The following FAM25A variants were observed in gnomAD, a reference collection of about 807,000 sequenced individuals.
The protein encoded by FAM25A is family with sequence similarity 25 member A.
A neutral mutation model predicts 6.6 loss-of-function variants in FAM25A; 5 were observed. That is an observed-to-expected ratio of 0.75 (90% CI 0.39 to 1.59). The LOEUF is 1.59. FAM25A is among the 40% of genes most tolerant of loss of function. FAM25A has a pLI of 0.02. For synonymous variants in FAM25A, 36 were observed against 41.3 expected (o/e 0.87, Z 0.49); for missense variants, 93 against 109.7 (o/e 0.85, Z 0.68).
rs7079456 is a variant in FAM25A, at chr10:87,022,269, G to A, written c.74-45G>A. The stretch of plus-strand genomic sequence containing the variant: ...CCTCACCCTGGACTGGGAGGGCAGC[G>A]GCTCTGCTCTGAGCCCTCACCCTGG... On this transcript the variant is annotated intron_variant, in intron 1 of 2. Transcript: ENST00000343959. 4,541 of 1,547,172 alleles carry A rather than the reference G, an allele frequency of 2.9e-3. 101 individuals are homozygous for A. In the African/African-American group the frequency reaches 0.05, roughly 17 times the overall value.
At chr10:87,023,890 G>A (rs1488989334) in intron 2 of FAM25A, among the ~76,000 whole-genome samples, 1 of 152,120 alleles carries the variant, frequency 6.6e-6, no homozygotes, top group Non-Finnish European at 1.5e-5. Context: ...ATGGTGGAAG[G>A]AGCTAGCTCT....
intron 1 of FAM25A, among the ~76,000 whole-genome samples, 160 bp downstream of exon 1, chr10:87,020,557 G>T (rs1394148568): frequency 6.6e-6 from 1 of 152,148 alleles, no homozygotes; most frequent in Non-Finnish European, 1.5e-5. Flanking sequence ...GGAGTTGAGG[G>T]GTGCAGACCT....
intron 1 of FAM25A, among the ~76,000 whole-genome samples, chr10:87,021,129 C>G (rs917511483): frequency 2.0e-5 from 3 of 152,132 alleles, no homozygotes; most frequent in Non-Finnish European, 4.4e-5. Flanking sequence ...CACCTGGTCC[C>G]GAAGTGTATG....
intron 2 of FAM25A, among the ~76,000 whole-genome samples, chr10:87,024,258 A>G (rs2133757602): frequency 6.6e-6 from 1 of 152,272 alleles, no homozygotes; most frequent in South Asian, 2.1e-4. Flanking sequence ...ACCCAATATA[A>G]AAATGGTCAA....
At chr10:87,024,290 C>T (rs961935028) in intron 2 of FAM25A, among the ~76,000 whole-genome samples, 1 of 151,898 alleles carries the variant, frequency 6.6e-6, no homozygotes, top group African/African-American at 2.4e-5. Flanking sequence ...AGGCATTTTC[C>T]AGAAAAAAGG....
chr10:87,021,753 A>G (rs1431669057), intron 1 of FAM25A, among the ~76,000 whole-genome samples: 2 of 152,246 alleles, frequency 1.3e-5, no homozygotes, highest in Non-Finnish European at 2.9e-5. Flanking sequence ...TGACTCTGAA[A>G]TCCTTCAGTT....
At chr10:87,022,510 G>C (rs1301853217) in intron 2 of FAM25A, 134 bp downstream of exon 2, 1 of 1,048,512 alleles carries the variant, frequency 9.5e-7, no homozygotes, top group Non-Finnish European at 1.4e-6. Context: ...TCTTGGCTGG[G>C]GCAGTTATCT....
At chr10:87,024,486 G>A in intron 2 of FAM25A, 55 bp from the exon 3 acceptor site, 1 of 1,535,758 alleles carries the variant, frequency 6.5e-7, no homozygotes, top group Non-Finnish European at 8.7e-7. Context: ...CACTCAAGGG[G>A]ACACAAGTTC....
chr10:87,020,313 T>C lies in FAM25A; in HGVS notation c.-12T>C. On this transcript the variant is annotated 5_prime_UTR_variant, in exon 1 of 3. Coordinates refer to ENST00000343959, the MANE Select transcript of FAM25A (RefSeq NM_001146157.3). ...CTCAGCATCCTAGTTCACCACTGTCTGCTGCCACACGATGCTGGGAGGCCT... is the reference window on the plus strand; with the variant it reads ...CTCAGCATCCTAGTTCACCACTGTCCGCTGCCACACGATGCTGGGAGGCCT... The C allele has an allele frequency of 1.3e-6, 2 of 1,549,544 alleles. 1 individual carries two copies. The highest frequency in any genetic ancestry group is 2.4e-5 in the South Asian group (2 of 83,958).
chr10:87,020,340 G>C lies in FAM25A; in HGVS notation c.16G>C (p.Gly6Arg). 6.5e-7 allele frequency: 1 copy of C among 1,549,536 alleles called. No individual in the cohort carries two copies. Among genetic ancestry groups the C allele is most frequent in the Non-Finnish European group, 8.7e-7 (1 of 1,146,824 alleles). The change falls in exon 1 of 3, where the codon GGG (glycine) becomes CGG (arginine). Residue 6 changes from glycine to arginine, a missense_variant. By Grantham distance (125) the Gly-to-Arg change is moderately radical (BLOSUM62 -2). Coordinates refer to ENST00000343959, the MANE Select transcript of FAM25A (RefSeq NM_001146157.3). ...CTGCCACACGATGCTGGGAGGCCTG[G>C]GGAAGCTGGCTGCCGAAGGCCTGGC... Reference protein sequence around the residue: MLGGLGKLAAEGLAHR... With the variant: MLGGLRKLAAEGLAHR...
intron 1 of FAM25A, among the ~76,000 whole-genome samples, chr10:87,021,690 AG>A (rs1324091568): frequency 6.6e-6 from 1 of 152,240 alleles, no homozygotes; most frequent in Admixed American, 6.5e-5. Flanking sequence ...CCCATTCTAA[AG>A]ATGAGGGAAC....
chr10:87,022,289 C>A (rs1435611300), intron 1 of FAM25A, 25 bp from the exon 2 acceptor site: 6 of 1,548,520 alleles, frequency 3.9e-6, no homozygotes, highest in Non-Finnish European at 4.4e-6. Flanking sequence ...TGAGCCCTCA[C>A]CCTGGACTTG....
At chr10:87,020,760 C>T (rs1157148830) in intron 1 of FAM25A, among the ~76,000 whole-genome samples, 2 of 152,194 alleles carry the variant, frequency 1.3e-5, no homozygotes, top group Non-Finnish European at 2.9e-5. Flanking sequence ...AAACAAGTCA[C>T]CAAGTCTGTT....
At chr10:87,022,940 G>GA (rs1227051786) in intron 2 of FAM25A, among the ~76,000 whole-genome samples, 12 of 91,378 alleles carry the variant, frequency 1.3e-4, no homozygotes, top group South Asian at 1.1e-3. Context: ...AAAAAAAAAA[G>GA]AAAAAAAAAA....
intron 2 of FAM25A, among the ~76,000 whole-genome samples, chr10:87,024,046 A>C (rs1589338825): frequency 6.6e-6 from 1 of 152,134 alleles, no homozygotes; most frequent in Admixed American, 6.5e-5. Flanking sequence ...AACATAAAAG[A>C]CTTTGGCCTA....
chr10:87,024,525 T>G lies in FAM25A; in HGVS notation c.137-16T>G. 2 of 1,535,822 alleles carry G rather than the reference T, an allele frequency of 1.3e-6. No homozygotes were observed. Among genetic ancestry groups the G allele is most frequent in the Non-Finnish European group, 1.7e-6 (2 of 1,146,908 alleles). ...GGGTGGATCACTAGGACATTCTTCCTCTTTCTTTCCAACAGCCATTGCTGA... is the reference window on the plus strand; with the variant it reads ...GGGTGGATCACTAGGACATTCTTCCGCTTTCTTTCCAACAGCCATTGCTGA... On this transcript the variant is annotated splice_polypyrimidine_tract_variant and intron_variant, in intron 2 of 2. Coordinates refer to ENST00000343959, the MANE Select transcript of FAM25A (RefSeq NM_001146157.3).
chr10:87,023,153 GGAGC>G (rs1255408853), intron 2 of FAM25A, among the ~76,000 whole-genome samples: 1 of 145,942 alleles, frequency 6.9e-6, no homozygotes, highest in African/African-American at 2.5e-5. Flanking sequence ...CCCGGAAGGC[GGAGC>G]TTGCAGTGAG....
rs919538969 is a variant in FAM25A at position 87,020,407 on chromosome 10, T to C, written c.73+10T>C. 2.6e-5 allele frequency: 40 copies of C among 1,548,786 alleles called. No individual in the cohort carries two copies. Among genetic ancestry groups the C allele is most frequent in the Middle Eastern group, 4.6e-4 (2 of 4,382 alleles). ...GCCACCGAGGGAGCCAGTGAGGACC[T>C]GGGGCTCCTTTCTACCTGGGCTGGG... On this transcript the variant is annotated intron_variant, in intron 1 of 2. Transcript: ENST00000343959.
At chr10:87,023,508 G>A (rs1328376467) in intron 2 of FAM25A, among the ~76,000 whole-genome samples, 4 of 152,168 alleles carry the variant, frequency 2.6e-5, no homozygotes, top group African/African-American at 4.8e-5. Flanking sequence ...GCCACCTGAG[G>A]TCAGGAGTTC....
Sources: allele counts gnomAD v4.1 joint callset (sites outside exome capture counted in the v4.1 genomes callset), GRCh38; gene constraint gnomAD v4.1.1; transcripts MANE v1.5; gene names NCBI Gene and HGNC (gene_info 2026-07-23, HGNC 2026-07-21).